CAMTA1: variants seen among roughly 807,000 people sequenced by gnomAD.
CAMTA1 encodes the protein calmodulin binding transcription activator 1, also known as calmodulin-binding transcription activator 1.
Under a neutral mutation model 170.9 loss-of-function variants are expected in CAMTA1, and 27 were observed. That is an observed-to-expected ratio of 0.16 (90% CI 0.12 to 0.22). The LOEUF (loss-of-function observed/expected upper bound fraction) is 0.22, where lower values mean the gene tolerates loss of function less well. CAMTA1 is among the 10% of genes least tolerant of loss of function. CAMTA1 has a pLI of 1.00. For missense variants in CAMTA1, 1,619 were observed against 2,217.2 expected (o/e 0.73, Z 5.42); for synonymous variants, 833 against 891.5 (o/e 0.93, Z 1.17).
At chr1:7,526,740 A>G (rs549879947) in intron 6 of CAMTA1, among the ~76,000 whole-genome samples, 1 of 152,246 alleles carries the variant, frequency 6.6e-6, no homozygotes, top group African/African-American at 2.4e-5. Flanking sequence ...CCTTCTGGAT[A>G]CCCTCAGGGC....
intron 1 of CAMTA1, among the ~76,000 whole-genome samples, chr1:6,806,652 G>A (rs902948155): frequency 4.6e-5 from 7 of 152,164 alleles, no homozygotes; most frequent in South Asian, 2.1e-4. Flanking sequence ...TCCACGTAGC[G>A]TGTAGGTTGA....
intron 5 of CAMTA1, among the ~76,000 whole-genome samples, chr1:7,305,292 C>T (rs570784020): frequency 1.3e-5 from 2 of 152,114 alleles, no homozygotes; most frequent in East Asian, 3.9e-4. Flanking sequence ...TGAAGGAAGT[C>T]CACCTTTATT....
chr1:7,313,377 CAGA>C (rs1206127574), intron 5 of CAMTA1, among the ~76,000 whole-genome samples: 1 of 152,212 alleles, frequency 6.6e-6, no homozygotes, highest in Admixed American at 6.5e-5. Context: ...TTTTTCTGAA[CAGA>C]AGCTTGTTGG....
chr1:6,998,645 C>T (rs918867839), intron 3 of CAMTA1, among the ~76,000 whole-genome samples: 1 of 152,228 alleles, frequency 6.6e-6, no homozygotes, highest in African/African-American at 2.4e-5. Flanking sequence ...TCTTGCCAAA[C>T]GTAAGAGCCA....
chr1:6,810,728 C>T (rs1645064012), intron 1 of CAMTA1, among the ~76,000 whole-genome samples: 1 of 152,052 alleles, frequency 6.6e-6, no homozygotes, highest in Non-Finnish European at 1.5e-5. Context: ...TGGCATGAAC[C>T]CGGAGGCGGA....
At chr1:7,649,327 G>A (rs529076050) in intron 7 of CAMTA1, among the ~76,000 whole-genome samples, 32 of 152,326 alleles carry the variant, frequency 2.1e-4, no homozygotes, top group Non-Finnish European at 4.4e-4. Context: ...CTGCATCTGC[G>A]GGGCCTGGGA....
chr1:6,979,188 G>T (rs1287611554), intron 3 of CAMTA1, among the ~76,000 whole-genome samples: 1 of 152,164 alleles, frequency 6.6e-6, no homozygotes, highest in Non-Finnish European at 1.5e-5. Context: ...GGTGGACCAG[G>T]CCTGGCAGGG....
intron 4 of CAMTA1, among the ~76,000 whole-genome samples, chr1:7,160,625 C>A (rs79248869): frequency 0.013 from 1,969 of 152,296 alleles, 29 homozygotes; most frequent in Middle Eastern, 0.051. Context: ...AAGATTCAGT[C>A]CAAGGCCTCC....
At chr1:6,947,436 T>C (rs1355693989) in intron 3 of CAMTA1, among the ~76,000 whole-genome samples, 1 of 151,920 alleles carries the variant, frequency 6.6e-6, no homozygotes, top group Admixed American at 6.6e-5. Context: ...AGTGCAGTAG[T>C]TCAATCTTGG....
At chr1:7,742,825 A>C (rs772750511) in intron 16 of CAMTA1, among the ~76,000 whole-genome samples, 5 of 152,212 alleles carry the variant, frequency 3.3e-5, no homozygotes, top group Non-Finnish European at 7.3e-5. Flanking sequence ...GAGAAGGTGA[A>C]AGAAAGCTGC....
In CAMTA1 at chr1:7,704,715, C is replaced by T. The variant is rs529760503; in HGVS notation, c.2914+26982C>T. 3.4e-4 allele frequency among the ~76,000 whole-genome samples: 50 copies of T among 148,018 alleles called. No homozygotes were observed. The South Asian group carries it at 1.0e-2, about 30-fold the overall frequency. ...CATTGGTCCGGGCGGCGCACTCGGG[C>T]AGTGGCGGGGAGACCGCGGTACCCG... On this transcript the variant is annotated intron_variant, in intron 11 of 22. Transcript: ENST00000303635.
At chr1:7,427,994 A>T (rs546240252) in intron 5 of CAMTA1, among the ~76,000 whole-genome samples, 1 of 152,214 alleles carries the variant, frequency 6.6e-6, no homozygotes, top group Non-Finnish European at 1.5e-5. Flanking sequence ...AGGCTCCAGG[A>T]CGTGCTGCTG....
chr1:7,209,089 T>TTTG (rs34746795), intron 4 of CAMTA1, among the ~76,000 whole-genome samples: 19,926 of 152,004 alleles, frequency 0.13, 1,711 homozygotes, highest in East Asian at 0.31. Flanking sequence ...ATACTTCTAT[T>TTTG]TTGTTGTTGT....
intron 4 of CAMTA1, among the ~76,000 whole-genome samples, chr1:7,103,815 TAC>T (rs931745707): frequency 8.1e-5 from 10 of 123,532 alleles, no homozygotes; most frequent in Non-Finnish European, 1.6e-4. Flanking sequence ...TACATACAAC[TAC>T]ACACATGCAC....
chr1:7,282,956 G>A (rs371753406), intron 5 of CAMTA1, among the ~76,000 whole-genome samples: 11 of 152,132 alleles, frequency 7.2e-5, no homozygotes, highest in East Asian at 1.9e-4. Context: ...CAAAATGTCC[G>A]CAAGATTCAT....
intron 4 of CAMTA1, among the ~76,000 whole-genome samples, chr1:7,220,677 T>C (rs1660589234): frequency 1.3e-5 from 2 of 152,196 alleles, no homozygotes; most frequent in African/African-American, 4.8e-5. Context: ...GCTTCTCCAA[T>C]GGGACACAGC....
chr1:7,351,698 C>T (rs201523495), intron 5 of CAMTA1, among the ~76,000 whole-genome samples: 239 of 152,244 alleles, frequency 1.6e-3, no homozygotes, highest in African/African-American at 5.2e-3. Flanking sequence ...CCTGTCTGGC[C>T]GGGGTCGGAT....
chr1:7,531,768 A>C (rs1035123771), intron 6 of CAMTA1, among the ~76,000 whole-genome samples: 10 of 152,342 alleles, frequency 6.6e-5, no homozygotes, highest in Middle Eastern at 6.8e-3. Flanking sequence ...CTGAATAAAC[A>C]GTCCTTCCAT....
chr1:7,481,621 C>G (rs1050448409), intron 6 of CAMTA1, among the ~76,000 whole-genome samples: 10 of 152,206 alleles, frequency 6.6e-5, no homozygotes, highest in Non-Finnish European at 1.5e-5. Flanking sequence ...TGTACACACA[C>G]CCGTACAGCT....
Sources: allele counts gnomAD v4.1 joint callset (sites outside exome capture counted in the v4.1 genomes callset), GRCh38; gene constraint gnomAD v4.1.1; transcripts MANE v1.5; gene names NCBI Gene and HGNC (gene_info 2026-07-23, HGNC 2026-07-21).